The following WASHC2A variants were observed in gnomAD, a reference collection of about 807,000 sequenced individuals.
WASHC2A encodes WASH complex subunit 2A, also known as WASH complex subunit FAM21A.
In WASHC2A, 82 loss-of-function variants were observed where a neutral mutation model predicts 140.3. The ratio of observed to expected loss-of-function variants is 0.58; its 90% CI spans 0.49 to 0.70. The LOEUF (loss-of-function observed/expected upper bound fraction) is 0.70. Ranked by LOEUF, WASHC2A falls within the 30% of genes least tolerant of loss-of-function variation. The probability of loss-of-function intolerance (pLI) is 0.00; values close to 1 mark genes in which losing one functional copy is unlikely to be tolerated. For synonymous variants in WASHC2A, 340 were observed against 560.8 expected (o/e 0.61, Z 5.56); for missense variants, 985 against 1,521.8 (o/e 0.65, Z 5.87).
intron 8 of WASHC2A, among the ~76,000 whole-genome samples, chr10:50,087,846 G>T (rs1294159093): frequency 2.0e-5 from 3 of 151,444 alleles, no homozygotes; most frequent in African/African-American, 4.8e-5. Context: ...ATGGAGTTTT[G>T]CTCTTGTTGT....
At chr10:50,107,217 C>T (rs1379957490) in intron 19 of WASHC2A, among the ~76,000 whole-genome samples, 3 of 83,994 alleles carry the variant, frequency 3.6e-5, no homozygotes, top group East Asian at 5.5e-4. Context: ...CCGTATACCC[C>T]AATGGCCATA....
chr10:50,090,515 A>ATATATATATATATTT (rs1554882430), intron 8 of WASHC2A, among the ~76,000 whole-genome samples: 51 of 108,730 alleles, frequency 4.7e-4, no homozygotes, highest in Non-Finnish European at 2.6e-4. Context: ...AAAAAAAAAA[A>ATATATATATATATTT]ATATATATAT....
chr10:50,110,621 G>T (rs1242695388), intron 20 of WASHC2A, among the ~76,000 whole-genome samples: 1 of 152,064 alleles, frequency 6.6e-6, no homozygotes, highest in Non-Finnish European at 1.5e-5. Flanking sequence ...GGCCAGGCAC[G>T]TTGGCTCATG....
chr10:50,132,274 C>G (rs976591840), intron 30 of WASHC2A, among the ~76,000 whole-genome samples: 10 of 152,210 alleles, frequency 6.6e-5, no homozygotes, highest in African/African-American at 1.9e-4. Flanking sequence ...CTAGCAGTAA[C>G]ATTACTGGGT....
chr10:50,095,131 T>A lies in WASHC2A; in HGVS notation c.1181-17T>A. ...ATTTCCCTTGTAAAATGGTTACCCCTTGCTTTCTCATTCTAGAGTCTTCAT... is the reference window on the plus strand; with the variant it reads ...ATTTCCCTTGTAAAATGGTTACCCCATGCTTTCTCATTCTAGAGTCTTCAT... On this transcript the variant is annotated splice_polypyrimidine_tract_variant and intron_variant, in intron 13 of 30. Transcript: ENST00000282633. The A allele has an allele frequency of 6.4e-7, 1 of 1,556,792 alleles. No individual in the cohort carries two copies. The highest frequency in any genetic ancestry group is 8.7e-7 in the Non-Finnish European group (1 of 1,143,778).
intron 30 of WASHC2A, among the ~76,000 whole-genome samples, chr10:50,131,433 T>A (rs1262303629): frequency 6.6e-6 from 1 of 152,170 alleles, no homozygotes; most frequent in African/African-American, 2.4e-5. Flanking sequence ...GGGGACTGCC[T>A]TGGGTGTGAT....
At chr10:50,126,428 G>A (rs1589283651) in intron 26 of WASHC2A, 1 of 373,012 alleles carries the variant, frequency 2.7e-6, no homozygotes, top group Non-Finnish European at 4.9e-6. Flanking sequence ...TAACTCTGAA[G>A]TGGAGTTAAG....
chr10:50,127,292 T>C, intron 27 of WASHC2A, 70 bp downstream of exon 27: 5 of 1,611,622 alleles, frequency 3.1e-6, no homozygotes, highest in Non-Finnish European at 4.2e-6. Flanking sequence ...TTTCCTACTT[T>C]TGTCAGCTGC....
At chr10:50,124,825 T>A (rs1843287249) in intron 23 of WASHC2A, among the ~76,000 whole-genome samples, 1 of 151,982 alleles carries the variant, frequency 6.6e-6, no homozygotes, top group African/African-American at 2.4e-5. Context: ...ATACAAAGTT[T>A]ATATAATATA....
chr10:50,111,979 G>T (rs1842325684), intron 20 of WASHC2A, among the ~76,000 whole-genome samples: 1 of 152,064 alleles, frequency 6.6e-6, no homozygotes, highest in African/African-American at 2.4e-5. Context: ...AGTGAGCCAA[G>T]ATCTCACCAC....
chr10:50,117,928 C>T lies in WASHC2A; in HGVS notation c.2165C>T (p.Ala722Val). The change falls in exon 22 of 31, where the codon GCA becomes GTA. Residue 722 changes from alanine (A) to valine (V), a missense_variant. Ala to Val is a moderately conservative substitution (Grantham distance 64). Coordinates refer to ENST00000282633, the MANE Select transcript of WASHC2A (RefSeq NM_001005751.3). ...ATKKKETVSE[A>V]PPLLFSDEEE... Reference sequence around the variant, plus strand: ...TAGAAAAAAGAGACTGTCTCTGAGGCACCACCTTTGCTGTTCAGCGATGAA... The same window carrying T: ...TAGAAAAAAGAGACTGTCTCTGAGGTACCACCTTTGCTGTTCAGCGATGAA... 3 of 1,537,810 alleles carry T rather than the reference C, an allele frequency of 2.0e-6. No homozygotes were observed. The highest frequency in any genetic ancestry group is 1.1e-5 in the South Asian group (1 of 88,558).
intron 16 of WASHC2A, among the ~76,000 whole-genome samples, chr10:50,098,981 G>T (rs1554885581): frequency 6.6e-6 from 1 of 151,764 alleles, no homozygotes; most frequent in Non-Finnish European, 1.5e-5. Flanking sequence ...GTCCTCTTTT[G>T]CCATTGCTAA....
At chr10:50,095,332 C>T in intron 14 of WASHC2A, 125 bp downstream of exon 14, 1 of 925,950 alleles carries the variant, frequency 1.1e-6, no homozygotes, top group Non-Finnish European at 1.6e-6. Context: ...GGGCTTTGAG[C>T]ATCTTATAGA....
Position 50,131,098 on chromosome 10 carries a change from T to C in WASHC2A, c.3886+20T>C. The C allele has an allele frequency of 1.9e-6, 3 of 1,611,998 alleles. No homozygotes were observed. Among genetic ancestry groups the C allele is most frequent in the Non-Finnish European group, 2.5e-6 (3 of 1,179,820 alleles). ...ATATGGGTAAGTTTGGTTTTCTACA[T>C]CTGACCTAGAGAATTCTTACCTTTC... On this transcript the variant is annotated intron_variant, in intron 30 of 30. Coordinates refer to ENST00000282633, the MANE Select transcript of WASHC2A (RefSeq NM_001005751.3).
In WASHC2A at chr10:50,129,772, A is replaced by G. The variant is rs1364044405; in HGVS notation, c.3441A>G (p.Arg1147=). Reference sequence around the variant, plus strand: ...GCACTGGATCTCAGTCTGTGGAGAGAACAAAACCCAAGGCAAAGATAGCAG... The same window carrying G: ...GCACTGGATCTCAGTCTGTGGAGAGGACAAAACCCAAGGCAAAGATAGCAG... The part of the protein sequence containing the change: ...STGTGSQSVE[R]TKPKAKIAEN... The change falls in exon 29 of 31, where the codon AGA becomes AGG. Residue 1147 remains arginine, a synonymous_variant. Coordinates refer to ENST00000282633, the MANE Select transcript of WASHC2A (RefSeq NM_001005751.3). 7 of 1,612,038 alleles carry G rather than the reference A, an allele frequency of 4.3e-6. No individual in the cohort carries two copies. The East Asian group carries it at 1.6e-4, about 36-fold the overall frequency.
chr10:50,109,317 G>A (rs1247059237), intron 19 of WASHC2A, among the ~76,000 whole-genome samples: 1 of 152,164 alleles, frequency 6.6e-6, no homozygotes, highest in Non-Finnish European at 1.5e-5. Flanking sequence ...TGTGGTAAAA[G>A]GATTACTAGC....
chr10:50,131,519 C>G (rs1465912057), intron 30 of WASHC2A, among the ~76,000 whole-genome samples: 8 of 152,172 alleles, frequency 5.3e-5, no homozygotes, highest in Admixed American at 2.6e-4. Flanking sequence ...AAGTCTAGAC[C>G]TGGGTGTAGG....
chr10:50,111,725 C>G (rs1162433005), intron 20 of WASHC2A, among the ~76,000 whole-genome samples: 2 of 152,202 alleles, frequency 1.3e-5, no homozygotes, highest in African/African-American at 4.8e-5. Flanking sequence ...AAGTGTAAGT[C>G]TTGTTTCATA....
intron 13 of WASHC2A, among the ~76,000 whole-genome samples, chr10:50,094,872 C>G (rs1840314677): frequency 6.6e-6 from 1 of 150,940 alleles, no homozygotes; most frequent in Admixed American, 6.7e-5. Flanking sequence ...CACCTCCTCC[C>G]TTGGTGTCCC....
Sources: gnomAD v4.1 joint callset for allele counts (sites outside exome capture counted in the v4.1 genomes callset) on GRCh38, gnomAD v4.1.1 for gene constraint, MANE v1.5 for transcripts, NCBI Gene and HGNC (gene_info 2026-07-23, HGNC 2026-07-21) for gene names.